ADM2: variants seen among roughly 807,000 people sequenced by gnomAD.
ADM2 encodes protein ADM2.
Under a neutral mutation model 7.1 loss-of-function variants are expected in ADM2, and 5 were observed. The observed-to-expected ratio is 0.71, with a 90% CI of 0.37 to 1.49. The LOEUF is 1.49. ADM2 is among the 40% of genes most tolerant of loss of function. The pLI is 0.03. For synonymous variants in ADM2, 123 were observed against 92.8 expected, an observed-to-expected ratio of 1.33 and a Z score of -1.87; for missense variants, 236 against 211.2, an observed-to-expected ratio of 1.12 and a Z score of -0.73.
intron 2 of ADM2, 34 bp from the exon 3 acceptor site, chr22:50,482,533 C>G (rs2068208433): frequency 6.9e-7 from 1 of 1,446,356 alleles, no homozygotes; most frequent in Non-Finnish European, 9.1e-7. Flanking sequence ...AAAGGCTGAG[C>G]CATCTGGTTG....
At position 50,482,769 on chromosome 22, in the gene ADM2, C is replaced by T. The variant is rs200616941; in HGVS notation, c.313C>T (p.Leu105Phe). 833 of 1,607,686 alleles carry T rather than the reference C, an allele frequency of 5.2e-4. No homozygotes were observed. Among genetic ancestry groups the T allele is most frequent in the Non-Finnish European group, 6.8e-4 (806 of 1,178,566 alleles). ...GGGCCCCCGCAGGACCCAAGCCCAG[C>T]TCCTGCGAGTGGGCTGTGTGCTGGG... ...HSGPRRTQAQ[L>F]LRVGCVLGTC... The change falls in exon 3 of 3, where the codon CTC becomes TTC. Residue 105 changes from leucine (L) to phenylalanine (F), a missense_variant. Leu to Phe is a conservative substitution (Grantham distance 22, BLOSUM62 0). Transcript: ENST00000395737.
rs758717942 is a variant in ADM2 at position 50,483,460 on chromosome 22, C to T, written c.*557C>T. ...GGCCCTCCAGAGGTCATGAAGGGACCTCTGTGGCTCCAGCTGCCAACCCTG... is the reference window on the plus strand; with the variant it reads ...GGCCCTCCAGAGGTCATGAAGGGACTTCTGTGGCTCCAGCTGCCAACCCTG... On this transcript the variant is annotated 3_prime_UTR_variant, in exon 3 of 3. Coordinates refer to ENST00000395737, the MANE Select transcript of ADM2 (RefSeq NM_001253845.2). 3 of 353,564 alleles carry T rather than the reference C, an allele frequency of 8.5e-6. No homozygotes were observed. The highest frequency in any genetic ancestry group is 1.7e-5 in the Non-Finnish European group (3 of 176,578). 21.9% of individuals were successfully genotyped at this position (353,564 alleles called of 1,614,324 possible).
At position 50,482,846 on chromosome 22, in the gene ADM2, G is replaced by C; in HGVS notation, c.390G>C (p.Pro130=). The change falls in exon 3 of 3, where the codon CCG becomes CCC. Residue 130 remains proline (P), a synonymous_variant. Transcript: ENST00000395737. ...LSHRLWQLMG[P]AGRQDSAPVD... is the part of the protein sequence containing the mutation. ...ACCGCCTGTGGCAACTCATGGGACC[G>C]GCCGGCCGGCAGGACTCAGCTCCTG... is the stretch of plus-strand genomic sequence containing the variant. 3 of 1,606,488 alleles carry C rather than the reference G, an allele frequency of 1.9e-6. No individual in the cohort carries two copies. Among genetic ancestry groups the C allele is most frequent in the East Asian group, 2.2e-5 (1 of 44,820 alleles).
At chr22:50,482,527 G>C in intron 2 of ADM2, 40 bp from the exon 3 acceptor site, 1 of 1,445,406 alleles carries the variant, frequency 6.9e-7, no homozygotes, top group Non-Finnish European at 9.1e-7. Flanking sequence ...TCTCCAAAAG[G>C]CTGAGCCATC....
In ADM2 at chr22:50,482,849, C is replaced by T. The variant is rs374496738; in HGVS notation, c.393C>T (p.Ala131=). 6 of 1,607,010 alleles carry T rather than the reference C, an allele frequency of 3.7e-6. No homozygotes were observed. The highest frequency in any genetic ancestry group is 2.7e-5 in the African/African-American group (2 of 74,896). ...SHRLWQLMGP[A]GRQDSAPVDP... is the part of the protein sequence containing the mutation. ...GCCTGTGGCAACTCATGGGACCGGC[C>T]GGCCGGCAGGACTCAGCTCCTGTGG... Residue 131 remains alanine, a synonymous_variant, in exon 3 of 3, where the codon GCC becomes GCT. Transcript: ENST00000395737.
At position 50,482,794 on chromosome 22, in the gene ADM2, G is replaced by A. The variant is rs370815600; in HGVS notation, c.338G>A (p.Gly113Asp). The A allele has an allele frequency of 3.1e-6, 5 of 1,608,036 alleles. No homozygotes were observed. Among genetic ancestry groups the A allele is most frequent in the Non-Finnish European group, 4.2e-6 (5 of 1,179,260 alleles). Residue 113 changes from glycine (G) to aspartate (D), a missense_variant, in exon 3 of 3, where the codon GGC becomes GAC. Gly to Asp is a moderately conservative substitution (Grantham distance 94, BLOSUM62 -1). Coordinates refer to ENST00000395737, the MANE Select transcript of ADM2 (RefSeq NM_001253845.2). The part of the protein sequence containing the change: ...AQLLRVGCVL[G>D]TCQVQNLSHR... Reference sequence around the variant, plus strand: ...CTCCTGCGAGTGGGCTGTGTGCTGGGCACCTGCCAGGTGCAGAATCTCAGC... The same window carrying A: ...CTCCTGCGAGTGGGCTGTGTGCTGGACACCTGCCAGGTGCAGAATCTCAGC...
chr22:50,483,031 C>T lies in ADM2; in HGVS notation c.*128C>T. 1.4e-6 allele frequency: 2 copies of T among 1,439,704 alleles called. No individual in the cohort carries two copies. Among genetic ancestry groups the T allele is most frequent in the South Asian group, 2.5e-5 (2 of 81,460 alleles). The allele number at this position is 1,439,704 out of a possible 1,614,324, so 89.2% of individuals were successfully genotyped here. On this transcript the variant is annotated 3_prime_UTR_variant, in exon 3 of 3. Coordinates refer to ENST00000395737, the MANE Select transcript of ADM2 (RefSeq NM_001253845.2). ...GACAGCAGGTCCTGCAGCAACAATA[C>T]CTGCACGGCTTTGCACACGTAAACC...
At position 50,482,791 on chromosome 22, in the gene ADM2, T is replaced by C. The variant is rs911882635; in HGVS notation, c.335T>C (p.Leu112Pro). ...CAGCTCCTGCGAGTGGGCTGTGTGC[T>C]GGGCACCTGCCAGGTGCAGAATCTC... The part of the protein sequence containing the change: ...QAQLLRVGCV[L>P]GTCQVQNLSH... The change falls in exon 3 of 3, where the codon CTG becomes CCG. Residue 112 changes from leucine (L) to proline (P), a missense_variant. By Grantham distance (98) the Leu-to-Pro change is moderately conservative (BLOSUM62 -3). Coordinates refer to ENST00000395737, the MANE Select transcript of ADM2 (RefSeq NM_001253845.2). 6.2e-7 allele frequency: 1 copy of C among 1,608,324 alleles called. No individual in the cohort carries two copies. The highest frequency in any genetic ancestry group is 8.5e-7 in the Non-Finnish European group (1 of 1,179,288).
Position 50,483,050 on chromosome 22 carries a change from G to A in ADM2, c.*147G>A, listed in dbSNP as rs955784320. 2.0e-5 allele frequency: 27 copies of A among 1,330,786 alleles called. No individual in the cohort carries two copies. Among genetic ancestry groups the A allele is most frequent in the South Asian group, 7.6e-5 (6 of 79,254 alleles). The allele number at this position is 1,330,786 out of a possible 1,614,324, so 82.4% of individuals were successfully genotyped here. A position where few individuals can be genotyped will look rare whatever the true frequency, so the allele number is the denominator to read the frequency against. On this transcript the variant is annotated 3_prime_UTR_variant, in exon 3 of 3. Transcript: ENST00000395737. Reference sequence around the variant, plus strand: ...ACAATACCTGCACGGCTTTGCACACGTAAACCTAGGCTGGTCTACACGCAG... The same window carrying A: ...ACAATACCTGCACGGCTTTGCACACATAAACCTAGGCTGGTCTACACGCAG...
chr22:50,486,404 A>C lies in ADM2; in HGVS notation c.*3501A>C, dbSNP rs191366302. On this transcript the variant is annotated 3_prime_UTR_variant, in exon 3 of 3. Transcript: ENST00000395737. ...AACTCGGAGGTGAGCTCCTCTCACC[A>C]CTCTCTTGAATAAAGCTTTTCTCAC... The C allele has an allele frequency of 1.1e-3, 181 of 164,010 alleles. 1 individual carries two copies. Among genetic ancestry groups the C allele is most frequent in the African/African-American group, 4.2e-3 (176 of 41,760 alleles). 10.2% of individuals were successfully genotyped at this position (164,010 alleles called of 1,614,324 possible).
At chr22:50,481,794 G>C in intron 1 of ADM2, 31 bp downstream of exon 1, 3 of 1,313,070 alleles carry the variant, frequency 2.3e-6, no homozygotes, top group Non-Finnish European at 3.0e-6. Context: ...TCGCGGCTCA[G>C]GCTGCCCCCG....
At chr22:50,482,082 G>GC in intron 2 of ADM2, 125 bp downstream of exon 2, 2 of 882,200 alleles carry the variant, frequency 2.3e-6, no homozygotes, top group South Asian at 3.4e-5. Flanking sequence ...CCAAACAAAG[G>GC]CCCCTACCCC....
At chr22:50,482,448 A>T (rs1034738569) in intron 2 of ADM2, 119 bp from the exon 3 acceptor site, 1 of 1,392,498 alleles carries the variant, frequency 7.2e-7, no homozygotes, top group Non-Finnish European at 9.3e-7. Context: ...CTGTGTGTGG[A>T]TGGGGGCTGT....
rs967251494 is a variant in ADM2, at chr22:50,481,887, C to T, written c.40C>T (p.Leu14Phe). The change falls in exon 2 of 3, where the codon CTC becomes TTC. Residue 14 changes from leucine (L) to phenylalanine (F), a missense_variant. Coordinates refer to ENST00000395737, the MANE Select transcript of ADM2 (RefSeq NM_001253845.2). ...IPTAALGCIS[L>F]LCLQLPGSLS... ...GACGGCCGCCCTGGGTTGCATCAGCCTCCTCTGCCTGCAGCTCCCTGGCTC... is the reference window on the plus strand; with the variant it reads ...GACGGCCGCCCTGGGTTGCATCAGCTTCCTCTGCCTGCAGCTCCCTGGCTC... 6.6e-7 allele frequency: 1 copy of T among 1,526,598 alleles called. No homozygotes were observed. The highest frequency in any genetic ancestry group is 1.7e-4 in the Middle Eastern group (1 of 5,846). 94.6% of individuals were successfully genotyped at this position (1,526,598 alleles called of 1,614,324 possible).
Position 50,481,715 on chromosome 22 carries a change from AGCTTGCCACGCCCACGCCCG to A in ADM2, c.-57_-38del. The A allele has an allele frequency of 2.1e-6, 1 of 475,884 alleles. No homozygotes were observed. The highest frequency in any genetic ancestry group is 3.4e-6 in the Non-Finnish European group (1 of 292,812). 29.5% of individuals were successfully genotyped at this position (475,884 alleles called of 1,614,324 possible). On this transcript the variant is annotated 5_prime_UTR_variant, in exon 1 of 3. Coordinates refer to ENST00000395737, the MANE Select transcript of ADM2 (RefSeq NM_001253845.2). Reference sequence around the variant, plus strand: ...TGCGCCCCGACGGACGCCCGTGCCCAGCTTGCCACGCCCACGCCCGGCGCCCCGACCGCGGAGGACTCCCC... The same window carrying A: ...TGCGCCCCGACGGACGCCCGTGCCCAGCGCCCCGACCGCGGAGGACTCCCC...
In ADM2 at chr22:50,483,196, G is replaced by A. The variant is rs888545527; in HGVS notation, c.*293G>A. ...TTCAGAGAGGAGGTGTCTGCCCAGA[G>A]ATGTGGAGCAGAAGCTGGGCCCTGA... On this transcript the variant is annotated 3_prime_UTR_variant, in exon 3 of 3. Transcript: ENST00000395737. 6 of 626,392 alleles carry A rather than the reference G, an allele frequency of 9.6e-6. No homozygotes were observed. The highest frequency in any genetic ancestry group is 1.8e-5 in the Non-Finnish European group (6 of 336,494). 38.8% of individuals were successfully genotyped at this position (626,392 alleles called of 1,614,324 possible).
At chr22:50,482,011 G>A in intron 2 of ADM2, 54 bp downstream of exon 2, 1 of 1,484,944 alleles carries the variant, frequency 6.7e-7, no homozygotes. Context: ...GGGAAGCAGA[G>A]TGCCGGGGGC....
At position 50,482,876 on chromosome 22, in the gene ADM2, C is replaced by T; in HGVS notation, c.420C>T (p.Asp140=). 6.2e-7 allele frequency: 1 copy of T among 1,602,040 alleles called. No homozygotes were observed. Among genetic ancestry groups the T allele is most frequent in the Non-Finnish European group, 8.5e-7 (1 of 1,177,970 alleles). ...PAGRQDSAPV[D]PSSPHSYG ...GCCGGCAGGACTCAGCTCCTGTGGA[C>T]CCCAGCAGCCCCCACAGCTATGGCT... Residue 140 remains aspartate, a synonymous_variant, in exon 3 of 3, where the codon GAC becomes GAT. Coordinates refer to ENST00000395737, the MANE Select transcript of ADM2 (RefSeq NM_001253845.2).
In ADM2 at chr22:50,482,647, G is replaced by A. The variant is rs374822745; in HGVS notation, c.191G>A (p.Arg64Gln). 407 of 1,556,344 alleles carry A rather than the reference G, an allele frequency of 2.6e-4. No individual in the cohort carries two copies. The highest frequency in any genetic ancestry group is 7.9e-4 in the African/African-American group (58 of 73,438). ...CGACCTGTGGTCTGGAAGCTTCACC[G>A]GGCCCTCCAGGCACAGAGGGGTGCC... ...APRPVVWKLH[R>Q]ALQAQRGAGL... Residue 64 changes from arginine to glutamine, a missense_variant, in exon 3 of 3, where the codon CGG (arginine) becomes CAG (glutamine). Transcript: ENST00000395737.
Sources: gnomAD v4.1 joint callset for allele counts on GRCh38, gnomAD v4.1.1 for gene constraint, MANE v1.5 for transcripts, NCBI Gene and HGNC (gene_info 2026-07-23, HGNC 2026-07-21) for gene names.